Variants in CUX2 observed in about 807,000 individuals in gnomAD.
CUX2 encodes the protein homeobox protein cut-like 2.
In CUX2, 40 loss-of-function variants were observed where a neutral mutation model predicts 144.8. That is an observed-to-expected ratio of 0.28 (90% CI 0.21 to 0.36). The LOEUF (loss-of-function observed/expected upper bound fraction) is 0.36, where lower values mean the gene tolerates loss of function less well. CUX2 is among the 10% of genes least tolerant of loss of function. The pLI is 1.00. For missense variants in CUX2, 1,615 were observed against 1,994.0 expected, an observed-to-expected ratio of 0.81 and a Z score of 3.62; for synonymous variants, 827 against 875.6, an observed-to-expected ratio of 0.94 and a Z score of 0.98.
chr12:111,159,551 G>A (rs535444709), intron 1 of CUX2, among the ~76,000 whole-genome samples: 2 of 152,292 alleles, frequency 1.3e-5, no homozygotes, highest in South Asian at 2.1e-4. Context: ...TTTTAAGGAT[G>A]CATTATTTCA....
At chr12:111,209,943 G>T (rs901078541) in intron 1 of CUX2, among the ~76,000 whole-genome samples, 7 of 151,940 alleles carry the variant, frequency 4.6e-5, no homozygotes, top group Non-Finnish European at 1.0e-4. Context: ...GCCGGGCTCC[G>T]GGCTGTCTGT....
At chr12:111,092,792 A>G (rs1012073219) in intron 1 of CUX2, among the ~76,000 whole-genome samples, 7 of 150,984 alleles carry the variant, frequency 4.6e-5, no homozygotes, top group African/African-American at 1.7e-4. Flanking sequence ...TAAGGAAACC[A>G]AAGCTCTGGC....
In CUX2 at chr12:111,320,430, GTCC is replaced by G. The variant is rs748878290; in HGVS notation, c.2436_2438del (p.Ser813del). ...CCTACGCCTCCGTGTCGCCCTCGCT[GTCC>G]TCCTCCTCCTCCTCTGGCTACTCTG... is the stretch of plus-strand genomic sequence containing the variant. On this transcript the variant is annotated inframe_deletion, in exon 17 of 22. Coordinates refer to ENST00000261726, the MANE Select transcript of CUX2 (RefSeq NM_015267.4). The surrounding 1 kb of genome is among the most constrained non-coding windows in gnomAD (Gnocchi z 8.1). The G allele has an allele frequency of 1.9e-4, 299 of 1,589,766 alleles. No homozygotes were observed. Among genetic ancestry groups the G allele is most frequent in the East Asian group, 5.8e-4 (26 of 44,556 alleles).
rs117337001 is a variant in CUX2 at position 111,165,328 on chromosome 12, C to T, written c.64-48872C>T. ...GGCCATGGTGACCCACATGGCAGGA[C>T]GTCTTCAGAGCCAAACCAGAGTGAC... On this transcript the variant is annotated intron_variant, in intron 1 of 21. Coordinates refer to ENST00000261726, the MANE Select transcript of CUX2 (RefSeq NM_015267.4). 1.1e-4 allele frequency among the ~76,000 whole-genome samples: 16 copies of T among 152,246 alleles called. No individual in the cohort carries two copies. In the East Asian group the frequency reaches 1.4e-3, roughly 13 times the overall value.
intron 9 of CUX2, among the ~76,000 whole-genome samples, chr12:111,299,072 C>T (rs1361758776): frequency 2.0e-5 from 3 of 152,216 alleles, no homozygotes; most frequent in Admixed American, 1.3e-4. Context: ...CCAGGGGGCT[C>T]CAGCCCGGAG....
At chr12:111,132,661 G>T (rs550198468) in intron 1 of CUX2, among the ~76,000 whole-genome samples, 41 of 136,398 alleles carry the variant, frequency 3.0e-4, no homozygotes, top group Admixed American at 1.4e-3. Flanking sequence ...CTGCCTCCCA[G>T]ATTCAAGCAA....
At position 111,295,485 on chromosome 12, in the gene CUX2, T is replaced by C. The variant is rs1316007570; in HGVS notation, c.637+76T>C. 1 of 1,314,058 alleles carries C rather than the reference T, an allele frequency of 7.6e-7. No individual in the cohort carries two copies. Among genetic ancestry groups the C allele is most frequent in the East Asian group, 2.5e-5 (1 of 40,322 alleles). 81.4% of individuals were successfully genotyped at this position (1,314,058 alleles called of 1,614,324 possible). A position where few individuals can be genotyped will look rare whatever the true frequency, so the allele number is the denominator to read the frequency against. On this transcript the variant is annotated intron_variant, in intron 7 of 21. Transcript: ENST00000261726. The surrounding 1 kb of genome is among the most constrained non-coding windows in gnomAD (Gnocchi z 5.0). ...ATGCTGTCAACGAGGGGTCACGGCTTGGGGTCTGCCACATCCAGGTGTTTT... is the reference window on the plus strand; with the variant it reads ...ATGCTGTCAACGAGGGGTCACGGCTCGGGGTCTGCCACATCCAGGTGTTTT...
intron 21 of CUX2, 146 bp downstream of exon 21, chr12:111,342,199 C>T (rs957920956): frequency 2.1e-6 from 2 of 964,086 alleles, no homozygotes; most frequent in Admixed American, 5.7e-5. Flanking sequence ...AACACAGGCC[C>T]AAGTGCAGTG....
chr12:111,338,374 G>A lies in CUX2; in HGVS notation c.3285G>A (p.Leu1095=), dbSNP rs756158200. The change falls in exon 20 of 22, where the codon CTG becomes CTA. Residue 1095 remains leucine, a synonymous_variant. Transcript: ENST00000261726. ...LLSRPKPWHK[L]SLKGREPFVR... The stretch of plus-strand genomic sequence containing the variant: ...CCCGGCCCAAACCCTGGCACAAGCT[G>A]AGCCTGAAGGGGCGGGAGCCTTTTG... The A allele has an allele frequency of 1.9e-6, 3 of 1,614,056 alleles. No individual in the cohort carries two copies. Among genetic ancestry groups the A allele is most frequent in the Non-Finnish European group, 2.5e-6 (3 of 1,180,032 alleles).
chr12:111,069,551 T>TGTGTGC (rs1555266250), intron 1 of CUX2, among the ~76,000 whole-genome samples: 4 of 146,496 alleles, frequency 2.7e-5, no homozygotes, highest in African/African-American at 7.9e-5. Context: ...TGTGTGTGTG[T>TGTGTGC]GCGCGCGCGT....
chr12:111,346,109 A>C (rs1420021870), intron 21 of CUX2, among the ~76,000 whole-genome samples: 1 of 148,128 alleles, frequency 6.8e-6, no homozygotes, highest in Non-Finnish European at 1.5e-5. Context: ...TCCATCTCAA[A>C]AAAAAAAAAA....
rs77444292 is a variant in CUX2, at chr12:111,196,801, A to G, written c.64-17399A>G. 2.9e-3 allele frequency among the ~76,000 whole-genome samples: 444 copies of G among 152,314 alleles called. 1 individual carries two copies. Among genetic ancestry groups the G allele is most frequent in the South Asian group, 0.012 (56 of 4,824 alleles). ...GTAGAAGTACTAAATTTAAATAACTACAGGAGGCTAGTGGCTGCTGTATTG... is the reference window on the plus strand; with the variant it reads ...GTAGAAGTACTAAATTTAAATAACTGCAGGAGGCTAGTGGCTGCTGTATTG... On this transcript the variant is annotated intron_variant, in intron 1 of 21. Coordinates refer to ENST00000261726, the MANE Select transcript of CUX2 (RefSeq NM_015267.4).
chr12:111,084,280 C>T (rs1397279931), intron 1 of CUX2, among the ~76,000 whole-genome samples: 1 of 152,196 alleles, frequency 6.6e-6, no homozygotes, highest in Non-Finnish European at 1.5e-5. Context: ...AGCCCCCGCC[C>T]TTTCCTCCCA....
At chr12:111,229,207 C>A (rs1227726228) in intron 3 of CUX2, among the ~76,000 whole-genome samples, 1 of 152,120 alleles carries the variant, frequency 6.6e-6, no homozygotes, top group Non-Finnish European at 1.5e-5. Context: ...ACAGTTGCAC[C>A]CAGAAAGGCC....
chr12:111,099,853 G>A, intron 1 of CUX2: 1 of 423,506 alleles, frequency 2.4e-6, no homozygotes, highest in South Asian at 1.7e-5. Flanking sequence ...AGGAGGCGAG[G>A]GACCGTCTGG....
intron 1 of CUX2, among the ~76,000 whole-genome samples, chr12:111,166,185 A>T (rs963760898): frequency 3.3e-5 from 5 of 151,938 alleles, no homozygotes; most frequent in Admixed American, 3.3e-4. Context: ...CACCTGACTA[A>T]CTTTTTTCAT....
At chr12:111,237,021 T>G (rs1413431825) in intron 3 of CUX2, among the ~76,000 whole-genome samples, 2 of 152,140 alleles carry the variant, frequency 1.3e-5, no homozygotes, top group Non-Finnish European at 2.9e-5. Context: ...TGGTGACATG[T>G]GCCTGTAGTC....
Position 111,323,089 on chromosome 12 carries a change from G to A in CUX2, c.2926+509G>A, listed in dbSNP as rs554646526. Among the ~76,000 whole-genome samples, 37 of 152,326 alleles carry A rather than the reference G, an allele frequency of 2.4e-4. 1 individual carries two copies. Among genetic ancestry groups the A allele is most frequent in the Non-Finnish European group, 4.4e-4 (30 of 68,034 alleles). The stretch of plus-strand genomic sequence containing the variant: ...AGGGATGCCCAAAGTCCCAGAGTCC[G>A]GAAGTGCTAGGGGGAGCCCCAGCTC... On this transcript the variant is annotated intron_variant, in intron 18 of 21. Transcript: ENST00000261726.
At chr12:111,166,209 C>T (rs975217714) in intron 1 of CUX2, among the ~76,000 whole-genome samples, 3 of 152,082 alleles carry the variant, frequency 2.0e-5, no homozygotes, top group African/African-American at 4.8e-5. Context: ...TTTGTAAAGA[C>T]GAAGTCTCGC....
Sources: gnomAD v4.1 joint callset for allele counts (sites outside exome capture counted in the v4.1 genomes callset) on GRCh38, gnomAD v4.1.1 for gene constraint, Gnocchi (gnomAD v3.1) non-coding constraint, MANE v1.5 for transcripts, NCBI Gene and HGNC (gene_info 2026-07-23, HGNC 2026-07-21) for gene names.